The following TMEM237 variants were observed in gnomAD, a reference collection of about 807,000 sequenced individuals.
TMEM237 encodes the protein amyotrophic lateral sclerosis 2 (juvenile) chromosome region, candidate 4.
Under a neutral mutation model 59.1 loss-of-function variants are expected in TMEM237, and 51 were observed. That is an observed-to-expected ratio of 0.86 (90% CI 0.69 to 1.09). The LOEUF is 1.09. Ranked by LOEUF, TMEM237 falls within the 50% of genes least tolerant of loss-of-function variation. The probability of loss-of-function intolerance (pLI) is 0.00; values close to 1 mark genes in which losing one functional copy is unlikely to be tolerated. For missense variants in TMEM237, 475 were observed against 478.3 expected, an observed-to-expected ratio of 0.99 and a Z score of 0.06; for synonymous variants, 140 against 166.1, an observed-to-expected ratio of 0.84 and a Z score of 1.21.
Position 201,632,106 on chromosome 2 carries a change from G to C in TMEM237, c.498C>G (p.Phe166Leu). 6.2e-7 allele frequency: 1 copy of C among 1,613,912 alleles called. No individual in the cohort carries two copies. The highest frequency in any genetic ancestry group is 8.5e-7 in the Non-Finnish European group (1 of 1,179,832). Reference protein sequence around the residue: ...EQTTVEQQSVFTAPTGISQPV... With the variant: ...EQTTVEQQSVLTAPTGISQPV... ...GCTGGCTAATGCCAGTGGGTGCAGTGAATACAGACTGCTGTTCCACAGTAG... is the reference window on the plus strand; with the variant it reads ...GCTGGCTAATGCCAGTGGGTGCAGTCAATACAGACTGCTGTTCCACAGTAG... Residue 166 changes from phenylalanine (F) to leucine (L), a missense_variant, in exon 7 of 13, where the codon TTC becomes TTG. By Grantham distance (22) the Phe-to-Leu change is conservative (BLOSUM62 0). Coordinates refer to ENST00000409883, the MANE Select transcript of TMEM237 (RefSeq NM_001044385.3).
At chr2:201,638,009 A>C (rs1687336222) in intron 4 of TMEM237, among the ~76,000 whole-genome samples, 1 of 152,212 alleles carries the variant, frequency 6.6e-6, no homozygotes, top group Non-Finnish European at 1.5e-5. Flanking sequence ...CACATCCTGC[A>C]CCTAGCAATT....
intron 11 of TMEM237, 62 bp from the exon 12 acceptor site, chr2:201,626,209 C>A: frequency 6.5e-7 from 1 of 1,540,168 alleles, no homozygotes; most frequent in East Asian, 2.3e-5. Flanking sequence ...ACAAATATAT[C>A]TATTTTATGA....
At position 201,621,715 on chromosome 2, in the gene TMEM237, G is replaced by A. The variant is rs1449903841; in HGVS notation, c.*2540C>T. 6.6e-6 allele frequency: 1 copy of A among 152,616 alleles called. No individual in the cohort carries two copies. The highest frequency in any genetic ancestry group is 2.4e-5 in the African/African-American group (1 of 41,438). 9.5% of individuals were successfully genotyped at this position (152,616 alleles called of 1,614,324 possible). ...AAGGTGCCCCTGTGTTATCTACCCA[G>A]TGCAGTGCTTCACCAGGATGGCAAT... On this transcript the variant is annotated 3_prime_UTR_variant, in exon 13 of 13. Coordinates refer to ENST00000409883, the MANE Select transcript of TMEM237 (RefSeq NM_001044385.3).
At chr2:201,640,403 C>T (rs755320474) in intron 2 of TMEM237, 138 bp from the exon 3 acceptor site, 58 of 819,214 alleles carry the variant, frequency 7.1e-5, no homozygotes, top group South Asian at 9.3e-5. Context: ...TTAGCTTTCA[C>T]ATAATAGCTA....
At chr2:201,642,657 G>A in intron 1 of TMEM237, 3 of 1,607,644 alleles carry the variant, frequency 1.9e-6, no homozygotes, top group Non-Finnish European at 1.7e-6. Context: ...GCGGCCGCCG[G>A]CCCCCAAGCA....
chr2:201,629,635 T>G (rs1422625893), intron 8 of TMEM237, 94 bp downstream of exon 8: 2 of 1,497,242 alleles, frequency 1.3e-6, no homozygotes, highest in Non-Finnish European at 1.8e-6. Context: ...TGTGATTTCA[T>G]TAATAATACT....
intron 3 of TMEM237, among the ~76,000 whole-genome samples, chr2:201,639,866 C>T (rs529019725): frequency 9.2e-5 from 14 of 152,240 alleles, no homozygotes; most frequent in African/African-American, 1.2e-4. Context: ...AGGTAATGGT[C>T]CCCCATTTTT....
At chr2:201,625,917 A>G in intron 12 of TMEM237, 109 bp downstream of exon 12, 1 of 1,107,842 alleles carries the variant, frequency 9.0e-7, no homozygotes, top group Non-Finnish European at 1.2e-6. Context: ...TTTAATTTAA[A>G]TGTGTCTTTG....
intron 11 of TMEM237, among the ~76,000 whole-genome samples, chr2:201,626,740 G>C (rs2105897695): frequency 6.6e-6 from 1 of 152,194 alleles, no homozygotes; most frequent in South Asian, 2.1e-4. Flanking sequence ...CCTGACAGGG[G>C]GTAAGAATGC....
rs12470287 is a variant in TMEM237 at position 201,640,992 on chromosome 2, C to A, written c.43-68G>T. 70,554 of 1,432,328 alleles carry A rather than the reference C, an allele frequency of 0.049. 3,709 individuals carry two copies. Among genetic ancestry groups the A allele is most frequent in the African/African-American group, 0.23 (16,063 of 68,946 alleles). The allele number at this position is 1,432,328 out of a possible 1,614,324, so 88.7% of individuals were successfully genotyped here. On this transcript the variant is annotated intron_variant, in intron 1 of 12. Coordinates refer to ENST00000409883, the MANE Select transcript of TMEM237 (RefSeq NM_001044385.3). ...AGCATCTTTACTTCAAATACCATCACGCTATTTTTTTTTTTTTGAGATGGT... is the reference window on the plus strand; with the variant it reads ...AGCATCTTTACTTCAAATACCATCAAGCTATTTTTTTTTTTTTGAGATGGT...
chr2:201,629,857 G>A lies in TMEM237; in HGVS notation c.554-5C>T, dbSNP rs1196375801. Reference sequence around the variant, plus strand: ...GATCAGCAGCCTGGAATCTCCCTAAGAACACATAACGTAATTACTAACAAC... The same window carrying A: ...GATCAGCAGCCTGGAATCTCCCTAAAAACACATAACGTAATTACTAACAAC... On this transcript the variant is annotated splice_region_variant and splice_polypyrimidine_tract_variant and intron_variant, in intron 7 of 12. Transcript: ENST00000409883. 1 of 1,609,362 alleles carries A rather than the reference G, an allele frequency of 6.2e-7. No individual in the cohort carries two copies. Among genetic ancestry groups the A allele is most frequent in the Non-Finnish European group, 8.5e-7 (1 of 1,178,832 alleles).
At chr2:201,631,969 T>G (rs1441060502) in intron 7 of TMEM237, 82 bp downstream of exon 7, 6 of 1,466,322 alleles carry the variant, frequency 4.1e-6, no homozygotes, top group Non-Finnish European at 5.6e-6. Context: ...CTTAATTCCT[T>G]AATTCAGATT....
rs1293448126 is a variant in TMEM237 at position 201,635,379 on chromosome 2, C to G, written c.274+1369G>C. On this transcript the variant is annotated intron_variant, in intron 5 of 12. Transcript: ENST00000409883. This position sits in a 1 kb window ranked among gnomAD's most constrained non-coding sequence, Gnocchi z 4.5. ...TAAGAGGGAAATGTGGACACAGACA[C>G]ACAAGGAAAAATGTGAAGATGGAAG... is the stretch of plus-strand genomic sequence containing the variant. 6.6e-6 allele frequency among the ~76,000 whole-genome samples: 1 copy of G among 152,160 alleles called. No homozygotes were observed. Among genetic ancestry groups the G allele is most frequent in the Non-Finnish European group, 1.5e-5 (1 of 68,034 alleles).
At chr2:201,631,522 T>C (rs944948696) in intron 7 of TMEM237, 1 of 152,650 alleles carries the variant, frequency 6.6e-6, no homozygotes, top group African/African-American at 2.4e-5. Context: ...TTATTGTCAA[T>C]TGTAGAATTT....
intron 2 of TMEM237, 83 bp downstream of exon 2, chr2:201,640,810 G>T (rs749385167): frequency 6.3e-6 from 7 of 1,103,010 alleles, no homozygotes; most frequent in South Asian, 1.9e-5. Flanking sequence ...TTGTAATTTT[G>T]CAATGATACT....
Position 201,632,181 on chromosome 2 carries a change from A to G in TMEM237, c.423T>C (p.Tyr141=). Residue 141 remains tyrosine, a synonymous_variant, in exon 7 of 13, where the codon TAT becomes TAC. Transcript: ENST00000409883. Reference sequence around the variant, plus strand: ...CATCTTCTACTCCTAGCTCATTGGCATACTGTAATTCTGCTGGCTGGGTTT... The same window carrying G: ...CATCTTCTACTCCTAGCTCATTGGCGTACTGTAATTCTGCTGGCTGGGTTT... ...TKKTQPAELQ[Y]ANELGVEDED... is the part of the protein sequence containing the mutation. 6.2e-7 allele frequency: 1 copy of G among 1,613,874 alleles called. No homozygotes were observed. The highest frequency in any genetic ancestry group is 8.5e-7 in the Non-Finnish European group (1 of 1,179,808).
At chr2:201,640,360 A>G (rs1687388998) in intron 2 of TMEM237, 95 bp from the exon 3 acceptor site, 7 of 1,215,378 alleles carry the variant, frequency 5.8e-6, no homozygotes, top group Non-Finnish European at 7.8e-6. Flanking sequence ...CACAGTGAAA[A>G]TTGACTTAAA....
At position 201,635,830 on chromosome 2, in the gene TMEM237, T is replaced by C. The variant is rs139105518; in HGVS notation, c.274+918A>G. Among the ~76,000 whole-genome samples, 367 of 151,434 alleles carry C rather than the reference T, an allele frequency of 2.4e-3. No homozygotes were observed. The highest frequency in any genetic ancestry group is 8.1e-3 in the African/African-American group (333 of 41,250). On this transcript the variant is annotated intron_variant, in intron 5 of 12. Coordinates refer to ENST00000409883, the MANE Select transcript of TMEM237 (RefSeq NM_001044385.3). This position sits in a 1 kb window ranked among gnomAD's most constrained non-coding sequence, Gnocchi z 4.5. ...TTTTCTAGAGACTTCAGAGGGAGCA[T>C]AGTCCTGCAGACAACTTGATTTTGG...
At chr2:201,641,018 G>T in intron 1 of TMEM237, 94 bp from the exon 2 acceptor site, 1 of 1,062,046 alleles carries the variant, frequency 9.4e-7, no homozygotes, top group Non-Finnish European at 1.4e-6. Flanking sequence ...TTGAGATGGT[G>T]TATTGCTGTG....
Sources: gnomAD v4.1 joint callset for allele counts (sites outside exome capture counted in the v4.1 genomes callset) on GRCh38, gnomAD v4.1.1 for gene constraint, Gnocchi (gnomAD v3.1) non-coding constraint, MANE v1.5 for transcripts, NCBI Gene and HGNC (gene_info 2026-07-23, HGNC 2026-07-21) for gene names.